Variants in NAV1 observed in about 807,000 individuals in gnomAD.
NAV1 encodes pore membrane and/or filament interacting like protein 3.
Under a neutral mutation model 175.2 loss-of-function variants are expected in NAV1, and 18 were observed. The ratio of observed to expected loss-of-function variants is 0.10; its 90% CI spans 0.07 to 0.15. The LOEUF (loss-of-function observed/expected upper bound fraction) is 0.15. NAV1 is among the 10% of genes least tolerant of loss of function. The pLI is 1.00. For synonymous variants in NAV1, 897 were observed against 978.7 expected (o/e 0.92, Z 1.56); for missense variants, 1,731 against 2,436.6 (o/e 0.71, Z 6.10).
At chr1:201,648,389 C>G (rs1046426972) in exon 1 of NAV1, 11 of 1,228,222 alleles carry the variant, frequency 9.0e-6, no homozygotes, top group Admixed American at 4.3e-5. Context: ...TCCCCGCCGC[C>G]CCGCCCCTTT....
rs1571895878 is a variant in NAV1, at chr1:201,704,569, A to G, written c.758-8248A>G. 2.0e-5 allele frequency among the ~76,000 whole-genome samples: 3 copies of G among 152,364 alleles called. No homozygotes were observed. In the South Asian group the frequency reaches 6.2e-4, roughly 32 times the overall value. ...TAGATTTGTTCTGAAGGCCAGGGAC[A>G]CTTTGCGTAGCCACTTGGCATCAGG... On this transcript the variant is annotated intron_variant, in intron 1 of 29. Transcript: ENST00000367296.
intron 1 of NAV1, among the ~76,000 whole-genome samples, chr1:201,696,887 G>A (rs573450511): frequency 5.3e-5 from 8 of 152,286 alleles, no homozygotes; most frequent in East Asian, 1.9e-4. Flanking sequence ...ATACATATTC[G>A]TGTTTCGCAC....
chr1:201,810,993 C>T lies in NAV1; in HGVS notation c.4797+235C>T, dbSNP rs1375489524. ...CTTTAACTTGTTTCTCCACACTTTC[C>T]CTTGCCTTTATGGAGAAAGGCTTTC... On this transcript the variant is annotated intron_variant, in intron 24 of 29. Transcript: ENST00000367296. This position sits in a 1 kb window ranked among gnomAD's most constrained non-coding sequence, Gnocchi z 6.0. 2.0e-5 allele frequency among the ~76,000 whole-genome samples: 3 copies of T among 152,092 alleles called. No individual in the cohort carries two copies. The highest frequency in any genetic ancestry group is 4.4e-5 in the Non-Finnish European group (3 of 68,004).
intron 1 of NAV1, among the ~76,000 whole-genome samples, chr1:201,548,525 C>T (rs553524763): frequency 1.3e-5 from 2 of 152,180 alleles, no homozygotes; most frequent in Non-Finnish European, 2.9e-5. Context: ...TGCACGACTG[C>T]ACTCCAGCCT....
At chr1:201,664,731 T>TAA (rs1167267191) in intron 1 of NAV1, among the ~76,000 whole-genome samples, 2 of 152,136 alleles carry the variant, frequency 1.3e-5, no homozygotes, top group African/African-American at 2.4e-5. Context: ...AGCTCCCATT[T>TAA]TAGTGGAGGA....
chr1:201,573,823 C>T (rs575806700), intron 1 of NAV1, among the ~76,000 whole-genome samples: 3 of 152,228 alleles, frequency 2.0e-5, no homozygotes, highest in African/African-American at 7.2e-5. Context: ...TTCAGCTCAG[C>T]GGGTGCCTGG....
chr1:201,746,229 A>T (rs532304271), intron 3 of NAV1, among the ~76,000 whole-genome samples: 8 of 152,238 alleles, frequency 5.3e-5, no homozygotes, highest in South Asian at 2.1e-4. Context: ...GATTTTATCC[A>T]AGTGCAGCAT....
intron 2 of NAV1, among the ~76,000 whole-genome samples, chr1:201,613,992 G>A (rs1399292388): frequency 6.8e-6 from 1 of 146,694 alleles, no homozygotes; most frequent in African/African-American, 2.5e-5. Context: ...AAAGCAGGAA[G>A]CAGCAATACC....
intron 2 of NAV1, among the ~76,000 whole-genome samples, chr1:201,603,904 G>A (rs1393220960): frequency 6.6e-6 from 1 of 152,106 alleles, no homozygotes; most frequent in Non-Finnish European, 1.5e-5. Flanking sequence ...CATAATAATG[G>A]TGATTAAGAT....
intron 1 of NAV1, among the ~76,000 whole-genome samples, chr1:201,680,882 C>T (rs1025509702): frequency 8.5e-5 from 13 of 152,160 alleles, no homozygotes; most frequent in African/African-American, 1.2e-4. Flanking sequence ...CAGCTGTGAT[C>T]GCAACGCCAC....
chr1:201,592,909 C>T lies in NAV1; in HGVS notation c.-33+4260C>T, dbSNP rs147134561. On this transcript the variant is annotated intron_variant, in intron 2 of 33. Transcript: ENST00000685211. The stretch of plus-strand genomic sequence containing the variant: ...TGCGGTTCGTGGCCCTCTCCTATCA[C>T]TCTCAGATACTACCATTCTCAATTT... Among the ~76,000 whole-genome samples, 357 of 152,254 alleles carry T rather than the reference C, an allele frequency of 2.3e-3. 2 individuals are homozygous for T. Among genetic ancestry groups the T allele is most frequent in the African/African-American group, 8.3e-3 (343 of 41,528 alleles).
At chr1:201,786,482 TTGG>T (rs1250440897) in exon 9 of NAV1, 1 of 1,613,948 alleles carries the variant, frequency 6.2e-7, no homozygotes, top group Admixed American at 1.7e-5. Flanking sequence ...TCCCATACCA[TTGG>T]TGGGCTGCCT....
rs146009719 is a variant in NAV1, at chr1:201,759,186, G to A, written c.1227-21235G>A. ...CCTACATCTGGCAGCTCCACTAGAA[G>A]TATAATGTAAAATGCATGCCCTTTT... On this transcript the variant is annotated intron_variant, in intron 3 of 29. Coordinates refer to ENST00000367296, the Ensembl canonical transcript of NAV1. Among the ~76,000 whole-genome samples, 489 of 152,306 alleles carry A rather than the reference G, an allele frequency of 3.2e-3. 4 individuals carry two copies. Among genetic ancestry groups the A allele is most frequent in the African/African-American group, 0.011 (460 of 41,572 alleles).
At chr1:201,793,847 G>A (rs1440220249) in exon 14 of NAV1, 4 of 1,369,780 alleles carry the variant, frequency 2.9e-6, no homozygotes, top group African/African-American at 1.5e-5. Context: ...TCCCGCCTGC[G>A]ACACCTGGCA....
At chr1:201,693,152 GC>G (rs1450711759) in intron 1 of NAV1, among the ~76,000 whole-genome samples, 1 of 152,214 alleles carries the variant, frequency 6.6e-6, no homozygotes, top group Non-Finnish European at 1.5e-5. Context: ...TTTATGGAAG[GC>G]CTACAACATA....
chr1:201,716,510 C>G (rs959315245), intron 2 of NAV1, among the ~76,000 whole-genome samples: 1 of 152,196 alleles, frequency 6.6e-6, no homozygotes, highest in African/African-American at 2.4e-5. Context: ...GATGTGATGT[C>G]TAGGTCCACA....
chr1:201,670,579 T>TGG (rs1359559591), intron 1 of NAV1, among the ~76,000 whole-genome samples: 11 of 110,178 alleles, frequency 1.0e-4, no homozygotes, highest in Non-Finnish European at 1.8e-4. Context: ...ATGGTGATGG[T>TGG]TTGATGATAG....
chr1:201,696,928 CT>C (rs1353278127), intron 1 of NAV1, among the ~76,000 whole-genome samples: 1 of 152,226 alleles, frequency 6.6e-6, no homozygotes, highest in Non-Finnish European at 1.5e-5. Flanking sequence ...GAAATACTGT[CT>C]TTTTTCCTTT....
chr1:201,752,645 A>G (rs1039525746), intron 3 of NAV1, among the ~76,000 whole-genome samples: 1 of 152,036 alleles, frequency 6.6e-6, no homozygotes, highest in African/African-American at 2.4e-5. Flanking sequence ...AGAAATGTAA[A>G]GAAAGACTTA....
Sources: allele counts gnomAD v4.1 joint callset (sites outside exome capture counted in the v4.1 genomes callset), GRCh38; gene constraint gnomAD v4.1.1; non-coding constraint Gnocchi (gnomAD v3.1); transcripts MANE v1.5; gene names NCBI Gene and HGNC (gene_info 2026-07-23, HGNC 2026-07-21).